Variants in NTAQ1 observed in about 807,000 individuals in gnomAD.
The protein encoded by NTAQ1 is N-terminal glutamine amidase 1.
NTAQ1 carries 21 observed loss-of-function variants against 28.2 expected under a neutral mutation model. The ratio of observed to expected loss-of-function variants is 0.74; its 90% CI spans 0.53 to 1.07. NTAQ1 has a LOEUF of 1.07. NTAQ1 is among the 50% of genes least tolerant of loss of function. The probability of loss-of-function intolerance (pLI) is 0.00; values close to 1 mark genes in which losing one functional copy is unlikely to be tolerated. For synonymous variants in NTAQ1, 105 were observed against 90.0 expected (o/e 1.17, Z -0.94); for missense variants, 264 against 256.6 (o/e 1.03, Z -0.20).
chr8:123,427,912 A>G lies in NTAQ1; in HGVS notation c.84-12A>G. On this transcript the variant is annotated splice_polypyrimidine_tract_variant and intron_variant, in intron 1 of 5. Coordinates refer to ENST00000287387, the MANE Select transcript of NTAQ1 (RefSeq NM_018024.3). ...GTTCTCTAATCTTGATTAAACAATT[A>G]TTTTATTTCAGTGAAGAAAATATTT... 6.4e-7 allele frequency: 1 copy of G among 1,566,328 alleles called. No individual in the cohort carries two copies. The highest frequency in any genetic ancestry group is 8.7e-7 in the Non-Finnish European group (1 of 1,148,654).
At chr8:123,444,279 A>G (rs1815188630), downstream of NTAQ1, among the ~76,000 whole-genome samples, 1 of 152,134 alleles carries the variant, frequency 6.6e-6, no homozygotes, top group South Asian at 2.1e-4. Context: ...GGCTCACTGC[A>G]ACTTCCACCT....
Position 123,427,965 on chromosome 8 carries a change from A to G in NTAQ1, c.125A>G (p.His42Arg). The G allele has an allele frequency of 3.1e-6, 5 of 1,611,612 alleles. No individual in the cohort carries two copies. Among genetic ancestry groups the G allele is most frequent in the Non-Finnish European group, 3.4e-6 (4 of 1,179,196 alleles). The change falls in exon 2 of 6, where the codon CAT becomes CGT. Residue 42 changes from histidine (H) to arginine (R), a missense_variant. His to Arg is a conservative substitution (Grantham distance 29, BLOSUM62 0). Transcript: ENST00000287387. The part of the protein sequence containing the change: ...IWKLCEYIKN[H>R]DQYPLEECYA... The stretch of plus-strand genomic sequence containing the variant: ...AAGCTCTGTGAATACATCAAAAACC[A>G]TGACCAGTATCCTTTAGAAGAATGT...
Position 123,437,263 on chromosome 8 carries a change from G to T in NTAQ1, c.437G>T (p.Arg146Leu). Residue 146 changes from arginine (R) to leucine (L), a missense_variant, in exon 5 of 6, where the codon CGA (arginine) becomes CTA (leucine). Coordinates refer to ENST00000287387, the MANE Select transcript of NTAQ1 (RefSeq NM_018024.3). ...TATTTGAAGAACTTTGCTTCTGACC[G>T]ATCTCACATGAAAGACTCCAGTGGG... is the stretch of plus-strand genomic sequence containing the variant. ...DSYLKNFASDRSHMKDSSGNW... is the reference protein window; with the variant it reads ...DSYLKNFASDLSHMKDSSGNW... 1 of 1,614,122 alleles carries T rather than the reference G, an allele frequency of 6.2e-7. No individual in the cohort carries two copies. The highest frequency in any genetic ancestry group is 1.1e-5 in the South Asian group (1 of 91,082).
At chr8:123,440,448 G>A (rs538775244) in intron 5 of NTAQ1, among the ~76,000 whole-genome samples, 43 of 150,020 alleles carry the variant, frequency 2.9e-4, no homozygotes, top group Admixed American at 8.6e-4. Flanking sequence ...GAGCCACCAC[G>A]CCTGGCTGCT....
chr8:123,444,531 G>C (rs1489684336), downstream of NTAQ1, among the ~76,000 whole-genome samples: 1 of 149,856 alleles, frequency 6.7e-6, no homozygotes, highest in Non-Finnish European at 1.5e-5. Context: ...TTTTGAGAGG[G>C]AGTCTCGCTC....
intron 1 of NTAQ1, among the ~76,000 whole-genome samples, chr8:123,422,060 C>T (rs13252776): frequency 0.36 from 54,556 of 151,824 alleles, 9,922 homozygotes; most frequent in East Asian, 0.56. Context: ...AAGTGATCCA[C>T]GCGCCTTGGC....
At chr8:123,458,255 A>G (rs1815713729) in intron 6 of NTAQ1, among the ~76,000 whole-genome samples, 1 of 150,316 alleles carries the variant, frequency 6.7e-6, no homozygotes, top group South Asian at 2.1e-4. Flanking sequence ...TTTTTTTTCA[A>G]ACAAACACAA....
chr8:123,432,806 G>A (rs1442326075), intron 3 of NTAQ1, among the ~76,000 whole-genome samples: 2 of 151,442 alleles, frequency 1.3e-5, no homozygotes, highest in Non-Finnish European at 2.9e-5. Context: ...TCAGCCTCCC[G>A]AGTAGCTGGA....
downstream of NTAQ1, among the ~76,000 whole-genome samples, chr8:123,450,644 G>A (rs998224463): frequency 3.9e-5 from 6 of 152,210 alleles, no homozygotes; most frequent in South Asian, 2.1e-4. Context: ...CCTTTGACTC[G>A]ATCCATCCCT....
intron 3 of NTAQ1, among the ~76,000 whole-genome samples, chr8:123,432,255 C>T (rs936992476): frequency 1.6e-4 from 24 of 152,334 alleles, no homozygotes; most frequent in African/African-American, 4.6e-4. Flanking sequence ...AGCCAGACTA[C>T]ATATTGCCAA....
intron 6 of NTAQ1, among the ~76,000 whole-genome samples, chr8:123,463,387 G>C (rs10110934): frequency 0.31 from 47,419 of 152,034 alleles, 7,927 homozygotes; most frequent in South Asian, 0.45. Context: ...TTAGATCACA[G>C]TTATTCTTCT....
intron 6 of NTAQ1, among the ~76,000 whole-genome samples, chr8:123,465,838 C>T (rs182237780): frequency 2.0e-5 from 3 of 152,190 alleles, no homozygotes; most frequent in Admixed American, 2.0e-4. Context: ...CCACCTCGGC[C>T]TCCCAAAGTG....
intron 6 of NTAQ1, among the ~76,000 whole-genome samples, chr8:123,459,187 A>G (rs1007428087): frequency 1.3e-5 from 2 of 152,022 alleles, no homozygotes; most frequent in East Asian, 1.9e-4. Context: ...TCGAGGCTGC[A>G]GTGAGCCGTG....
At chr8:123,425,570 C>T (rs755194196) in intron 1 of NTAQ1, among the ~76,000 whole-genome samples, 21 of 151,626 alleles carry the variant, frequency 1.4e-4, no homozygotes, top group African/African-American at 3.6e-4. Flanking sequence ...GTCCAACTTC[C>T]GTATTTTAAG....
At chr8:123,421,443 T>C (rs1404632026) in intron 1 of NTAQ1, among the ~76,000 whole-genome samples, 1 of 152,118 alleles carries the variant, frequency 6.6e-6, no homozygotes, top group African/African-American at 2.4e-5. Context: ...TTGATTTGCG[T>C]TTCTCTAATG....
intron 2 of NTAQ1, 79 bp from the exon 3 acceptor site, chr8:123,429,903 TC>T: frequency 1.4e-6 from 1 of 719,588 alleles, no homozygotes. Flanking sequence ...AAAAATCCCG[TC>T]TCAAAAAAAA....
intron 6 of NTAQ1, chr8:123,447,970 AGT>A (rs1196531561): frequency 6.6e-6 from 1 of 152,160 alleles, no homozygotes; most frequent in Non-Finnish European, 1.5e-5. Context: ...TATAAGAGGA[AGT>A]GTGTGTGCCA....
intron 1 of NTAQ1, 78 bp downstream of exon 1, chr8:123,417,010 G>C (rs191985514): frequency 8.2e-6 from 11 of 1,341,590 alleles, no homozygotes; most frequent in Non-Finnish European, 1.1e-5. Flanking sequence ...GCCTCTTCCC[G>C]GCCCCTCCTC....
intron 5 of NTAQ1, 97 bp downstream of exon 5, chr8:123,437,431 A>G (rs1047500589): frequency 6.5e-6 from 10 of 1,530,268 alleles, no homozygotes; most frequent in Admixed American, 2.0e-5. Context: ...TGTTCTTTGA[A>G]TAAAACTCCA....
Sources: allele counts gnomAD v4.1 joint callset (sites outside exome capture counted in the v4.1 genomes callset), GRCh38; gene constraint gnomAD v4.1.1; transcripts MANE v1.5; gene names NCBI Gene and HGNC (gene_info 2026-07-23, HGNC 2026-07-21).